The following GNA15 variants were observed in gnomAD, a reference collection of about 807,000 sequenced individuals.
The protein encoded by GNA15 is guanine nucleotide-binding protein subunit alpha-15.
A neutral mutation model predicts 40.1 loss-of-function variants in GNA15; 23 were observed. That is an observed-to-expected ratio of 0.57 (90% CI 0.41 to 0.81). The LOEUF (loss-of-function observed/expected upper bound fraction) is 0.81, where lower values mean the gene tolerates loss of function less well. Among genes scored for constraint, GNA15 ranks in the 40% least tolerant of loss-of-function variants. The probability of loss-of-function intolerance (pLI) is 0.00; values close to 1 mark genes in which losing one functional copy is unlikely to be tolerated. For missense variants in GNA15, 522 were observed against 515.8 expected (o/e 1.01, Z -0.12); for synonymous variants, 226 against 210.4 (o/e 1.07, Z -0.64).
At chr19:3,139,964 C>A (rs1162646136) in intron 1 of GNA15, among the ~76,000 whole-genome samples, 1 of 150,816 alleles carries the variant, frequency 6.6e-6, no homozygotes, top group Non-Finnish European at 1.5e-5. Flanking sequence ...AACTTGGAGG[C>A]AGAGGTTGCA....
chr19:3,155,757 T>C lies in GNA15; in HGVS notation c.615-66T>C, dbSNP rs1914997154. 2 of 1,555,162 alleles carry C rather than the reference T, an allele frequency of 1.3e-6. No individual in the cohort carries two copies. Among genetic ancestry groups the C allele is most frequent in the Non-Finnish European group, 1.7e-6 (2 of 1,148,686 alleles). ...GGATCTTGGCATATCCCAGACGTGA[T>C]GGGGGTTGGGGGTGTCACGGAGCAG... On this transcript the variant is annotated intron_variant, in intron 4 of 6. Transcript: ENST00000262958. The surrounding 1 kb of genome is among the most constrained non-coding windows in gnomAD (Gnocchi z 5.6).
In GNA15 at chr19:3,162,842, C is replaced by T. The variant is rs764429339; in HGVS notation, c.948C>T (p.Tyr316=). The T allele has an allele frequency of 2.5e-6, 4 of 1,613,910 alleles. No homozygotes were observed. The highest frequency in any genetic ancestry group is 2.7e-5 in the African/African-American group (2 of 74,918). The stretch of plus-strand genomic sequence containing the variant: ...CCAAGAGGTTCATCCTGGACATGTA[C>T]ACGAGGATGTACACCGGGTGCGTGG... ...EAAKRFILDM[Y]TRMYTGCVDG... Residue 316 remains tyrosine, a synonymous_variant, in exon 7 of 7, where the codon TAC becomes TAT. Transcript: ENST00000262958.
At position 3,155,826 on chromosome 19, in the gene GNA15, C is replaced by T. The variant is rs140382547; in HGVS notation, c.618C>T (p.Ile206=). ...GGGGCACCTCGGTTCCCTGTAGGATCGTGGACGTCGGGGGCCAGAAGTCAG... is the reference window on the plus strand; with the variant it reads ...GGGGCACCTCGGTTCCCTGTAGGATTGTGGACGTCGGGGGCCAGAAGTCAG... ...CFSVQKTNLR[I]VDVGGQKSER... Residue 206 remains isoleucine, a synonymous_variant, in exon 5 of 7, where the codon ATC becomes ATT. Coordinates refer to ENST00000262958, the MANE Select transcript of GNA15 (RefSeq NM_002068.4). The surrounding 1 kb of genome is among the most constrained non-coding windows in gnomAD (Gnocchi z 5.6). The T allele has an allele frequency of 1.4e-5, 22 of 1,612,746 alleles. No homozygotes were observed. The African/African-American group carries it at 2.4e-4, about 18-fold the overall frequency.
Position 3,155,673 on chromosome 19 carries a change from G to A in GNA15, c.615-150G>A, listed in dbSNP as rs1183919594. ...TGGGCGTAAGACTCATCCTTGCCTC[G>A]CGGGAATGACATGGCAAATCCACGA... is the stretch of plus-strand genomic sequence containing the variant. On this transcript the variant is annotated intron_variant, in intron 4 of 6. Transcript: ENST00000262958. The surrounding 1 kb of genome is among the most constrained non-coding windows in gnomAD (Gnocchi z 5.6). The A allele has an allele frequency of 2.3e-6, 2 of 857,480 alleles. No individual in the cohort carries two copies. The highest frequency in any genetic ancestry group is 3.6e-6 in the Non-Finnish European group (2 of 555,136). The allele number at this position is 857,480 out of a possible 1,614,324, so 53.1% of individuals were successfully genotyped here. A position where few individuals can be genotyped will look rare whatever the true frequency, so the allele number is the denominator to read the frequency against.
At chr19:3,142,886 A>C (rs2144842539) in intron 1 of GNA15, among the ~76,000 whole-genome samples, 1 of 152,044 alleles carries the variant, frequency 6.6e-6, no homozygotes, top group Non-Finnish European at 1.5e-5. Context: ...AATAAAAATA[A>C]AAACAAAAAG....
rs371765154 is a variant in GNA15, at chr19:3,136,516, C to T, written c.66C>T (p.Ala22=). ...WCLTEDEKAA[A]RVDQEINRIL... ...TGACGGAGGATGAGAAGGCCGCCGC[C>T]CGGGTGGACCAGGAGATCAACAGGA... is the stretch of plus-strand genomic sequence containing the variant. Residue 22 remains alanine (A), a synonymous_variant, in exon 1 of 7, where the codon GCC becomes GCT. Transcript: ENST00000262958. This position sits in a 1 kb window ranked among gnomAD's most constrained non-coding sequence, Gnocchi z 4.9. 14 of 1,565,270 alleles carry T rather than the reference C, an allele frequency of 8.9e-6. No homozygotes were observed. Among genetic ancestry groups the T allele is most frequent in the Middle Eastern group, 2.0e-4 (1 of 4,882 alleles).
rs71179973 is a variant in GNA15 at position 3,140,742 on chromosome 19, C to CTGAA, written c.145+4173_145+4176dup. On this transcript the variant is annotated intron_variant, in intron 1 of 6. Transcript: ENST00000262958. The stretch of plus-strand genomic sequence containing the variant: ...CCATATAGTAGATGCTCAAGAAATG[C>CTGAA]TGAATGAATGAATGAATGAATGAAT... 4.6e-3 allele frequency among the ~76,000 whole-genome samples: 695 copies of CTGAA among 151,718 alleles called. 3 individuals carry two copies. The highest frequency in any genetic ancestry group is 5.6e-3 in the East Asian group (29 of 5,148).
In GNA15 at chr19:3,146,855, C is replaced by A. The variant is rs1914734684; in HGVS notation, c.146-1736C>A. Among the ~76,000 whole-genome samples, 3 of 152,270 alleles carry A rather than the reference C, an allele frequency of 2.0e-5. No homozygotes were observed. The South Asian group carries it at 6.2e-4, about 32-fold the overall frequency. ...GCTCCCAAGTCCCTCAGGGTCAAAG[C>A]CCAAGACTTCCCTGCAACCCACAAG... is the stretch of plus-strand genomic sequence containing the variant. On this transcript the variant is annotated intron_variant, in intron 1 of 6. Transcript: ENST00000262958.
At position 3,162,820 on chromosome 19, in the gene GNA15, A is replaced by G. The variant is rs772397465; in HGVS notation, c.926A>G (p.Lys309Arg). 2 of 1,613,956 alleles carry G rather than the reference A, an allele frequency of 1.2e-6. No individual in the cohort carries two copies. Among genetic ancestry groups the G allele is most frequent in the South Asian group, 1.1e-5 (1 of 91,082 alleles). ...QGPKQDAEAA[K>R]RFILDMYTRM... The stretch of plus-strand genomic sequence containing the variant: ...CCTAAGCAGGATGCTGAGGCAGCCA[A>G]GAGGTTCATCCTGGACATGTACACG... The change falls in exon 7 of 7, where the codon AAG (lysine) becomes AGG (arginine). Residue 309 changes from lysine (K) to arginine (R), a missense_variant. Physicochemically the swap from Lys to Arg is conservative, Grantham distance 26. Transcript: ENST00000262958.
Position 3,163,125 on chromosome 19 carries a change from C to T in GNA15, c.*106C>T, listed in dbSNP as rs1915179359. The T allele has an allele frequency of 2.7e-6, 2 of 731,388 alleles. No individual in the cohort carries two copies. Among genetic ancestry groups the T allele is most frequent in the South Asian group, 1.6e-5 (1 of 62,450 alleles). 45.3% of individuals were successfully genotyped at this position (731,388 alleles called of 1,614,324 possible). ...TCTATCTCTCCAGCCTCGGCCCACACGCAAGGGAGTCGGGGGACGGACGGC... is the reference window on the plus strand; with the variant it reads ...TCTATCTCTCCAGCCTCGGCCCACATGCAAGGGAGTCGGGGGACGGACGGC... On this transcript the variant is annotated 3_prime_UTR_variant, in exon 7 of 7. Coordinates refer to ENST00000262958, the MANE Select transcript of GNA15 (RefSeq NM_002068.4).
intron 2 of GNA15, chr19:3,148,991 ACACACGCACATGTATG>A (rs1229434247): frequency 3.5e-6 from 2 of 567,270 alleles, no homozygotes; most frequent in Non-Finnish European, 6.3e-6. Context: ...GCATAAATGC[ACACACGCACATGTATG>A]CACACGCACA....
chr19:3,150,062 C>A, intron 2 of GNA15, 69 bp from the exon 3 acceptor site: 1 of 1,391,870 alleles, frequency 7.2e-7, no homozygotes, highest in Non-Finnish European at 1.0e-6. Flanking sequence ...TGGGGGCTTG[C>A]AGAGATGCCT....
In GNA15 at chr19:3,163,098, G is replaced by GCA; in HGVS notation, c.*79_*80insCA. On this transcript the variant is annotated 3_prime_UTR_variant, in exon 7 of 7. Coordinates refer to ENST00000262958, the MANE Select transcript of GNA15 (RefSeq NM_002068.4). Reference sequence around the variant, plus strand: ...GGCTGCAGGGACCCCTAGTGTCCCTGGTCTATCTCTCCAGCCTCGGCCCAC... The same window carrying GCA: ...GGCTGCAGGGACCCCTAGTGTCCCTGCAGTCTATCTCTCCAGCCTCGGCCCAC... The GCA allele has an allele frequency of 2.2e-6, 2 of 891,284 alleles. No individual in the cohort carries two copies. Among genetic ancestry groups the GCA allele is most frequent in the Non-Finnish European group, 3.7e-6 (2 of 543,342 alleles). 55.2% of individuals were successfully genotyped at this position (891,284 alleles called of 1,614,324 possible).
intron 1 of GNA15, among the ~76,000 whole-genome samples, chr19:3,142,654 T>C (rs1213895415): frequency 6.6e-6 from 1 of 151,912 alleles, no homozygotes; most frequent in East Asian, 1.9e-4. Context: ...GGTGGATCAC[T>C]TGAGGCCAGG....
chr19:3,136,521 T>G lies in GNA15; in HGVS notation c.71T>G (p.Val24Gly), dbSNP rs1599316388. 1 of 1,565,900 alleles carries G rather than the reference T, an allele frequency of 6.4e-7. No homozygotes were observed. The highest frequency in any genetic ancestry group is 8.7e-7 in the Non-Finnish European group (1 of 1,155,834). Residue 24 changes from valine to glycine, a missense_variant, in exon 1 of 7, where the codon GTG (valine) becomes GGG (glycine). Val to Gly is a moderately radical substitution (Grantham distance 109). Transcript: ENST00000262958. This position sits in a 1 kb window ranked among gnomAD's most constrained non-coding sequence, Gnocchi z 4.9. The stretch of plus-strand genomic sequence containing the variant: ...GAGGATGAGAAGGCCGCCGCCCGGG[T>G]GGACCAGGAGATCAACAGGATCCTC... ...LTEDEKAAAR[V>G]DQEINRILLE...
chr19:3,157,663 G>A (rs750278587), intron 5 of GNA15, 65 bp from the exon 6 acceptor site: 33 of 1,468,298 alleles, frequency 2.2e-5, no homozygotes, highest in African/African-American at 4.2e-5. Context: ...CCGTCTCCGC[G>A]ATGGGAGGGT....
chr19:3,146,288 C>G (rs1006173351), intron 1 of GNA15: 1 of 152,294 alleles, frequency 6.6e-6, no homozygotes, highest in Non-Finnish European at 1.5e-5. Context: ...CACCTCCCAC[C>G]TGGTGGATCA....
At chr19:3,158,910 G>T (rs949339394) in intron 6 of GNA15, among the ~76,000 whole-genome samples, 1 of 152,182 alleles carries the variant, frequency 6.6e-6, no homozygotes, top group African/African-American at 2.4e-5. Flanking sequence ...TGGGATTACG[G>T]GCGTGAGCCA....
At chr19:3,147,902 AAAG>A (rs1312199345) in intron 1 of GNA15, among the ~76,000 whole-genome samples, 1 of 151,332 alleles carries the variant, frequency 6.6e-6, no homozygotes, top group Non-Finnish European at 1.5e-5. Flanking sequence ...AAAAAAAAAA[AAAG>A]AAGAGAAAAA....
Sources: allele counts gnomAD v4.1 joint callset (sites outside exome capture counted in the v4.1 genomes callset), GRCh38; gene constraint gnomAD v4.1.1; non-coding constraint Gnocchi (gnomAD v3.1); transcripts MANE v1.5; gene names NCBI Gene and HGNC (gene_info 2026-07-23, HGNC 2026-07-21).